Variants in ABCA3 observed in about 807,000 individuals in gnomAD.
The protein encoded by ABCA3 is ATP binding cassette subfamily A member 3.
In ABCA3, 88 loss-of-function variants were observed where a neutral mutation model predicts 172.8. The observed-to-expected ratio is 0.51, with a 90% confidence interval of 0.43 to 0.61. The LOEUF (loss-of-function observed/expected upper bound fraction) is 0.61. Among genes scored for constraint, ABCA3 ranks in the 20% least tolerant of loss-of-function variants. The pLI, the probability that ABCA3 is intolerant of heterozygous loss-of-function variation, is 0.00. For synonymous variants in ABCA3, 1,066 were observed against 983.8 expected (o/e 1.08, Z -1.56); for missense variants, 2,164 against 2,301.0 (o/e 0.94, Z 1.22).
Position 2,279,265 on chromosome 16 carries a change from G to A in ABCA3, c.4360-135C>T. 1 of 1,027,888 alleles carries A rather than the reference G, an allele frequency of 9.7e-7. No homozygotes were observed. 63.7% of individuals were successfully genotyped at this position (1,027,888 alleles called of 1,614,324 possible). A position where few individuals can be genotyped will look rare whatever the true frequency, so the allele number is the denominator to read the frequency against. ...TTCCTGCCAGTGTGTGTACACGGGG[G>A]CGCTGGAGCTATGCACAGGCCGTGG... On this transcript the variant is annotated intron_variant, in intron 28 of 32. Transcript: ENST00000301732. The surrounding 1 kb of genome is among the most constrained non-coding windows in gnomAD (Gnocchi z 4.4).
chr16:2,310,082 C>G (rs1304540019), intron 10 of ABCA3, among the ~76,000 whole-genome samples: 1 of 151,902 alleles, frequency 6.6e-6, no homozygotes, highest in Non-Finnish European at 1.5e-5. Context: ...ATAACAGTAA[C>G]AAATCCACTA....
chr16:2,323,398 A>G (rs2093729076), intron 7 of ABCA3, 125 bp downstream of exon 7: 2 of 1,308,102 alleles, frequency 1.5e-6, no homozygotes, highest in Non-Finnish European at 2.2e-6. Flanking sequence ...AAGACTTGGA[A>G]CCAAGCCAAA....
At chr16:2,329,155 G>A in intron 2 of ABCA3, among the ~76,000 whole-genome samples, 1 of 152,030 alleles carries the variant, frequency 6.6e-6, no homozygotes, top group Non-Finnish European at 1.5e-5. Flanking sequence ...AAAAAGTGAA[G>A]AAATTAAAGC....
rs1217175703 is a variant in ABCA3 at position 2,276,734 on chromosome 16, C to T, written c.5055G>A (p.Leu1685=). 6.2e-7 allele frequency: 1 copy of T among 1,614,032 alleles called. No individual in the cohort carries two copies. Among genetic ancestry groups the T allele is most frequent in the East Asian group, 2.2e-5 (1 of 44,878 alleles). ...VDDYSVSQIS[L]EQVFLSFAHL... ...GGGCGAAGCTCAGGAAGACCTGTTC[C>T]AGCGAGATCTGGCTCACGGAGTAGT... The change falls in exon 33 of 33, where the codon CTG becomes CTA. Residue 1685 remains leucine (L), a synonymous_variant. Coordinates refer to ENST00000301732, the MANE Select transcript of ABCA3 (RefSeq NM_001089.3).
At chr16:2,337,978 G>C (rs1418203963) in intron 1 of ABCA3, among the ~76,000 whole-genome samples, 1 of 152,186 alleles carries the variant, frequency 6.6e-6, no homozygotes, top group Non-Finnish European at 1.5e-5. Flanking sequence ...GGAGCTATCG[G>C]GACAGACTTC....
intron 14 of ABCA3, among the ~76,000 whole-genome samples, chr16:2,298,881 G>A (rs920804677): frequency 6.6e-5 from 10 of 152,212 alleles, no homozygotes; most frequent in African/African-American, 2.4e-4. Context: ...TGAAATGCCA[G>A]TGGCCGGTGT....
At chr16:2,323,833 G>A (rs1278926515) in intron 6 of ABCA3, 145 bp from the exon 7 acceptor site, 6 of 986,252 alleles carry the variant, frequency 6.1e-6, no homozygotes, top group Non-Finnish European at 8.0e-6. Flanking sequence ...ACAGGCCCCG[G>A]AATGTCACAC....
chr16:2,299,666 G>C (rs2093685871), intron 13 of ABCA3, 134 bp from the exon 14 acceptor site: 9 of 1,409,320 alleles, frequency 6.4e-6, no homozygotes, highest in Non-Finnish European at 7.9e-6. Context: ...AGAGGGGAGG[G>C]ACGTTTCGGG....
At chr16:2,307,978 T>G (rs2093700486) in intron 11 of ABCA3, among the ~76,000 whole-genome samples, 1 of 152,184 alleles carries the variant, frequency 6.6e-6, no homozygotes, top group Non-Finnish European at 1.5e-5. Flanking sequence ...CCTGTAATCC[T>G]GGCTATTCAG....
chr16:2,299,569 A>C, intron 13 of ABCA3, 37 bp from the exon 14 acceptor site: 1 of 1,609,854 alleles, frequency 6.2e-7, no homozygotes, highest in East Asian at 2.2e-5. Context: ...GGCTACCCAC[A>C]GCCCCGAGGC....
Position 2,304,004 on chromosome 16 carries a change from A to C in ABCA3, c.1432T>G (p.Phe478Val). The change falls in exon 12 of 33, where the codon TTC (phenylalanine) becomes GTC (valine). Residue 478 changes from phenylalanine (F) to valine (V), a missense_variant. Physicochemically the swap from Phe to Val is conservative, Grantham distance 50. Coordinates refer to ENST00000301732, the MANE Select transcript of ABCA3 (RefSeq NM_001089.3). The stretch of plus-strand genomic sequence containing the variant: ...AAGTACCAGGGCTGAGGCACGCCGA[A>C]CTGCCCTGGGAAGACGGCCTCCATG... ...WYMEAVFPGQ[F>V]GVPQPWYFFI... 6.2e-7 allele frequency: 1 copy of C among 1,614,176 alleles called. No individual in the cohort carries two copies. The highest frequency in any genetic ancestry group is 8.5e-7 in the Non-Finnish European group (1 of 1,180,018).
chr16:2,290,910 C>A (rs1480975825), intron 19 of ABCA3, among the ~76,000 whole-genome samples: 5 of 152,148 alleles, frequency 3.3e-5, no homozygotes. Context: ...TGCTCTGTCC[C>A]CCAGGGTGGA....
In ABCA3 at chr16:2,288,396, T is replaced by A; in HGVS notation, c.2701-67A>T. ...GCCCAGCGCCTGACCCCCACCCACC[T>A]GCGGCAGGTGCTGTTCTGTGTGACG... On this transcript the variant is annotated intron_variant, in intron 20 of 32. Transcript: ENST00000301732. 3 of 1,500,264 alleles carry A rather than the reference T, an allele frequency of 2.0e-6. No homozygotes were observed. In the South Asian group the frequency reaches 3.8e-5, roughly 19 times the overall value. 92.9% of individuals were successfully genotyped at this position (1,500,264 alleles called of 1,614,324 possible). A position where few individuals can be genotyped will look rare whatever the true frequency, so the allele number is the denominator to read the frequency against.
intron 1 of ABCA3, among the ~76,000 whole-genome samples, chr16:2,334,419 C>G (rs1222479081): frequency 6.6e-6 from 1 of 152,036 alleles, no homozygotes; most frequent in Non-Finnish European, 1.5e-5. Context: ...AATCCTTTAT[C>G]TAGGACATTA....
At position 2,286,286 on chromosome 16, in the gene ABCA3, G is replaced by A. The variant is rs1358508635; in HGVS notation, c.3278+408C>T. Among the ~76,000 whole-genome samples the A allele has an allele frequency of 2.6e-5, 4 of 152,292 alleles. No individual in the cohort carries two copies. Among genetic ancestry groups the A allele is most frequent in the Middle Eastern group, 3.4e-3 (1 of 294 alleles). ...ATGGCATGGCAGGCTCCCGACGTGCGGCCATCTGAGGAACAGGGACGGCAG... is the reference window on the plus strand; with the variant it reads ...ATGGCATGGCAGGCTCCCGACGTGCAGCCATCTGAGGAACAGGGACGGCAG... On this transcript the variant is annotated intron_variant, in intron 22 of 32. Coordinates refer to ENST00000301732, the MANE Select transcript of ABCA3 (RefSeq NM_001089.3). This position sits in a 1 kb window ranked among gnomAD's most constrained non-coding sequence, Gnocchi z 5.2.
chr16:2,325,365 C>A (rs919791005), intron 5 of ABCA3, among the ~76,000 whole-genome samples: 2 of 152,180 alleles, frequency 1.3e-5, no homozygotes, highest in African/African-American at 4.8e-5. Context: ...GCACCTGCTG[C>A]TCCCCGGGGT....
At chr16:2,291,823 C>CA (rs1200305350) in intron 19 of ABCA3, among the ~76,000 whole-genome samples, 1 of 152,106 alleles carries the variant, frequency 6.6e-6, no homozygotes, top group East Asian at 1.9e-4. Flanking sequence ...CCTGTAATAC[C>CA]AGCACTTTGG....
At position 2,323,702 on chromosome 16, in the gene ABCA3, G is replaced by C. The variant is rs62040683; in HGVS notation, c.448-14C>G. 0.017 allele frequency: 27,641 copies of C among 1,614,040 alleles called. 299 individuals are homozygous for C. Among genetic ancestry groups the C allele is most frequent in the Non-Finnish European group, 0.02 (23,709 of 1,179,910 alleles). ...GTGATATTTCACCTGTGGAAACAAA[G>C]AGAAAACCAGCTGTTCCGAGAGATC... On this transcript the variant is annotated splice_polypyrimidine_tract_variant and intron_variant, in intron 6 of 32. Coordinates refer to ENST00000301732, the MANE Select transcript of ABCA3 (RefSeq NM_001089.3).
At chr16:2,333,078 G>C (rs183820880) in intron 1 of ABCA3, among the ~76,000 whole-genome samples, 1 of 152,146 alleles carries the variant, frequency 6.6e-6, no homozygotes, top group Non-Finnish European at 1.5e-5. Context: ...CCAAAGTACT[G>C]GGACTATAGG....
Sources: gnomAD v4.1 joint callset for allele counts (sites outside exome capture counted in the v4.1 genomes callset) on GRCh38, gnomAD v4.1.1 for gene constraint, Gnocchi (gnomAD v3.1) non-coding constraint, MANE v1.5 for transcripts, NCBI Gene and HGNC (gene_info 2026-07-23, HGNC 2026-07-21) for gene names.